The following RNF144A variants were observed in gnomAD, a reference collection of about 807,000 sequenced individuals.
RNF144A encodes E3 ubiquitin-protein ligase RNF144A.
A neutral mutation model predicts 38.7 loss-of-function variants in RNF144A; 11 were observed. The observed-to-expected ratio is 0.28, with a 90% CI of 0.18 to 0.47. RNF144A has a LOEUF of 0.47. RNF144A is among the 20% of genes least tolerant of loss of function. The probability of loss-of-function intolerance (pLI) is 0.99; values close to 1 mark genes in which losing one functional copy is unlikely to be tolerated. For missense variants in RNF144A, 316 were observed against 377.2 expected, an observed-to-expected ratio of 0.84 and a Z score of 1.34; for synonymous variants, 149 against 143.9, an observed-to-expected ratio of 1.04 and a Z score of -0.25.
rs780567847 is a variant in RNF144A, at chr2:6,943,768, C to T, written c.-12+2621C>T. On this transcript the variant is annotated intron_variant, in intron 2 of 8. Transcript: ENST00000320892. This position sits in a 1 kb window ranked among gnomAD's most constrained non-coding sequence, Gnocchi z 4.3. ...TCTGCAGTTCTCTTCTGATTACCGA[C>T]CTTTCTTTGTGAAATGGGAGTCAAA... Among the ~76,000 whole-genome samples the T allele has an allele frequency of 1.3e-5, 2 of 152,202 alleles. No homozygotes were observed. The highest frequency in any genetic ancestry group is 2.9e-5 in the Non-Finnish European group (2 of 68,012).
chr2:6,923,562 C>T (rs1664676778), intron 1 of RNF144A, among the ~76,000 whole-genome samples: 1 of 152,226 alleles, frequency 6.6e-6, no homozygotes, highest in East Asian at 1.9e-4. Flanking sequence ...CTTGAAGGCT[C>T]ATCACAAATG....
intron 2 of RNF144A, among the ~76,000 whole-genome samples, chr2:6,968,034 G>A (rs1667780862): frequency 6.6e-6 from 1 of 152,196 alleles, no homozygotes; most frequent in Admixed American, 6.5e-5. Context: ...AGTAGGGGAA[G>A]TGGTGTCCTC....
Position 7,056,943 on chromosome 2 carries a change from CTCTT to C in RNF144A, c.735-11272_735-11269del, listed in dbSNP as rs1673764784. 2.0e-5 allele frequency among the ~76,000 whole-genome samples: 3 copies of C among 152,316 alleles called. No homozygotes were observed. The South Asian group carries it at 6.2e-4, about 32-fold the overall frequency. Reference sequence around the variant, plus strand: ...AGCATTTCAGCCCCTCACCTTGGGGCTCTTAGTTCTTTGGAGCCTCCATCTGCTG... The same window carrying C: ...AGCATTTCAGCCCCTCACCTTGGGGCAGTTCTTTGGAGCCTCCATCTGCTG... On this transcript the variant is annotated intron_variant, in intron 6 of 6. Transcript: ENST00000432850.
At chr2:7,000,313 C>T (rs1400389106) in intron 3 of RNF144A, among the ~76,000 whole-genome samples, 1 of 152,172 alleles carries the variant, frequency 6.6e-6, no homozygotes. Flanking sequence ...GTAAGTCTAA[C>T]CAACAAGTTC....
intron 8 of RNF144A, among the ~76,000 whole-genome samples, chr2:7,037,250 C>G (rs1430016263): frequency 6.6e-6 from 1 of 152,124 alleles, no homozygotes; most frequent in Non-Finnish European, 1.5e-5. Flanking sequence ...GTTGGGTAAC[C>G]CGGCTTCTCA....
At chr2:6,985,275 T>A in intron 2 of RNF144A, among the ~76,000 whole-genome samples, 1 of 93,490 alleles carries the variant, frequency 1.1e-5, no homozygotes, top group Non-Finnish European at 2.2e-5. Context: ...CCCCTCTTTT[T>A]TTTTTTTTTT....
chr2:6,933,152 C>T (rs1665314477), intron 1 of RNF144A: 2 of 152,218 alleles, frequency 1.3e-5, no homozygotes, highest in Non-Finnish European at 2.9e-5. Flanking sequence ...CAATCCTAGA[C>T]TTGGAAATTG....
At chr2:7,017,631 A>C (rs1671226202) in intron 5 of RNF144A, among the ~76,000 whole-genome samples, 1 of 152,204 alleles carries the variant, frequency 6.6e-6, no homozygotes, top group African/African-American at 2.4e-5. Flanking sequence ...CTGCTTCATT[A>C]ATCTGCCATG....
At position 7,042,535 on chromosome 2, in the gene RNF144A, A is replaced by T; in HGVS notation, c.*2775A>T. The T allele has an allele frequency of 1.0e-6, 1 of 985,528 alleles. No homozygotes were observed. The highest frequency in any genetic ancestry group is 1.2e-6 in the Non-Finnish European group (1 of 829,972). The allele number at this position is 985,528 out of a possible 1,614,324, so 61.0% of individuals were successfully genotyped here. A position where few individuals can be genotyped will look rare whatever the true frequency, so the allele number is the denominator to read the frequency against. ...GTACTGCCGCCCAGGGTGGGTGGCC[A>T]GTGAGGACTGGCCTTAGCCCAGTGG... On this transcript the variant is annotated 3_prime_UTR_variant, in exon 9 of 9. Coordinates refer to ENST00000320892, the MANE Select transcript of RNF144A (RefSeq NM_014746.6).
At chr2:6,995,656 G>T (rs1669688168) in intron 2 of RNF144A, among the ~76,000 whole-genome samples, 1 of 152,226 alleles carries the variant, frequency 6.6e-6, no homozygotes, top group Non-Finnish European at 1.5e-5. Context: ...GAGGCCAGAA[G>T]ATTCAGCCAG....
At chr2:7,062,650 A>T (rs577717857) in intron 6 of RNF144A, 1 of 152,338 alleles carries the variant, frequency 6.6e-6, no homozygotes, top group Non-Finnish European at 1.5e-5. Flanking sequence ...AGAGCCAGAT[A>T]AAGTTTGCTC....
intron 1 of RNF144A, among the ~76,000 whole-genome samples, chr2:6,926,277 G>A (rs1317446419): frequency 6.6e-6 from 1 of 152,240 alleles, no homozygotes; most frequent in Non-Finnish European, 1.5e-5. Context: ...TTTTCCAAAA[G>A]TTTGGTGGCT....
chr2:6,979,989 G>A (rs770869625), intron 2 of RNF144A, among the ~76,000 whole-genome samples: 42 of 152,160 alleles, frequency 2.8e-4, no homozygotes, highest in Admixed American at 4.6e-4. Context: ...TTCACAAGGC[G>A]GCAGGAGAGA....
At chr2:6,993,343 AG>A (rs1006110970) in intron 2 of RNF144A, among the ~76,000 whole-genome samples, 2 of 152,152 alleles carry the variant, frequency 1.3e-5, no homozygotes, top group African/African-American at 4.8e-5. Flanking sequence ...GGGCAGGGGA[AG>A]CCACTGGGGG....
In RNF144A at chr2:7,043,182, G is replaced by A. The variant is rs965094539; in HGVS notation, c.*3422G>A. ...CCCACCCGGCCTATTTTCTTAAAGG[G>A]GAACAAATGATCTTGACAACATATT... On this transcript the variant is annotated 3_prime_UTR_variant, in exon 9 of 9. Coordinates refer to ENST00000320892, the MANE Select transcript of RNF144A (RefSeq NM_014746.6). 3.0e-6 allele frequency: 3 copies of A among 985,250 alleles called. No individual in the cohort carries two copies. The highest frequency in any genetic ancestry group is 1.2e-4 in the Admixed American group (2 of 16,256). 61.0% of individuals were successfully genotyped at this position (985,250 alleles called of 1,614,324 possible). A position where few individuals can be genotyped will look rare whatever the true frequency, so the allele number is the denominator to read the frequency against.
chr2:6,944,125 G>C lies in RNF144A; in HGVS notation c.-12+2978G>C, dbSNP rs1262262211. On this transcript the variant is annotated intron_variant, in intron 2 of 8. Coordinates refer to ENST00000320892, the MANE Select transcript of RNF144A (RefSeq NM_014746.6). The surrounding 1 kb of genome is among the most constrained non-coding windows in gnomAD (Gnocchi z 4.7). ...TCAGAGGGCACTGAGACAGGGAAGT[G>C]AGGAGAGAGGACAGCGGGTCTGAGG... is the stretch of plus-strand genomic sequence containing the variant. 6.6e-6 allele frequency among the ~76,000 whole-genome samples: 1 copy of C among 152,154 alleles called. No homozygotes were observed. Among genetic ancestry groups the C allele is most frequent in the East Asian group, 1.9e-4 (1 of 5,186 alleles).
At chr2:6,975,593 C>T (rs989047881) in intron 2 of RNF144A, among the ~76,000 whole-genome samples, 11 of 152,164 alleles carry the variant, frequency 7.2e-5, no homozygotes, top group Non-Finnish European at 1.2e-4. Context: ...GAGGCTGAGG[C>T]AGGCACATTG....
chr2:6,983,036 A>T (rs998012377), intron 2 of RNF144A, among the ~76,000 whole-genome samples: 1 of 152,210 alleles, frequency 6.6e-6, no homozygotes. Context: ...CTTTTGTCCT[A>T]GAGGTGCTGC....
At chr2:6,984,343 T>G (rs1158936851) in intron 2 of RNF144A, among the ~76,000 whole-genome samples, 2 of 152,030 alleles carry the variant, frequency 1.3e-5, no homozygotes, top group Non-Finnish European at 2.9e-5. Flanking sequence ...TGCTCTGCCA[T>G]TCAGGCTGGA....
Sources: allele counts gnomAD v4.1 joint callset (sites outside exome capture counted in the v4.1 genomes callset), GRCh38; gene constraint gnomAD v4.1.1; non-coding constraint Gnocchi (gnomAD v3.1); transcripts MANE v1.5; gene names NCBI Gene and HGNC (gene_info 2026-07-23, HGNC 2026-07-21).